Variants in XIST observed in about 807,000 individuals in gnomAD.
XIST encodes the protein X inactive specific transcript, also known as X inactive specific transcript (non-protein coding).
chrX:73,846,242 G>A, exon 1 of XIST: 1 of 559,281 alleles, frequency 1.8e-6, no homozygotes, highest in South Asian at 2.2e-5. Context: ...TCTGAGAGTA[G>A]GATTTTATTC....
intron 3 of XIST, chrX:73,831,453 A>C (rs1922379458): frequency 2.7e-6 from 1 of 372,929 alleles, no homozygotes; most frequent in Admixed American, 4.6e-5. Flanking sequence ...GCAAAAAAAA[A>C]AAAAATTATC....
At chrX:73,827,886 C>T (rs776547760) in exon 6 of XIST, 27 of 526,334 alleles carry the variant, frequency 5.1e-5, no homozygotes, top group South Asian at 2.9e-4. Flanking sequence ...AAGGCACACA[C>T]GAAAGAAATT....
At chrX:73,827,033 C>T in exon 6 of XIST, 1 of 558,886 alleles carries the variant, frequency 1.8e-6, no homozygotes. Context: ...TATCTTGGAA[C>T]ATGGGCTTTC....
chrX:73,850,543 C>T (rs1258493515), exon 1 of XIST: 1 of 544,924 alleles, frequency 1.8e-6, no homozygotes, highest in Admixed American at 2.3e-5. Context: ...TTGAGGAAGG[C>T]AGGAATTCCT....
chrX:73,844,034 C>A (rs1399188978), exon 1 of XIST: 2 of 556,842 alleles, frequency 3.6e-6, no homozygotes, highest in Admixed American at 4.5e-5. Flanking sequence ...GGGTTGTGGA[C>A]AACTGCAATT....
At chrX:73,842,898 A>T (rs751305650) in exon 1 of XIST, 1 of 558,650 alleles carries the variant, frequency 1.8e-6, no homozygotes, top group Non-Finnish European at 3.2e-6. Flanking sequence ...GTCTGTAAAA[A>T]GGGGCCAAGG....
exon 6 of XIST, chrX:73,820,877 T>A: frequency 1.8e-6 from 1 of 559,290 alleles, no homozygotes; most frequent in Non-Finnish European, 3.2e-6. Flanking sequence ...TAAATTATCT[T>A]TGAGGTAGAA....
At chrX:73,830,456 A>G (rs1922358474) in intron 4 of XIST, among the ~76,000 whole-genome samples, 1 of 112,156 alleles carries the variant, frequency 8.9e-6, no homozygotes, top group Non-Finnish European at 1.9e-5. Flanking sequence ...TTATCTGCCA[A>G]TTCTCACTCG....
exon 6 of XIST, chrX:73,821,615 A>G (rs1205644162): frequency 1.8e-6 from 1 of 555,459 alleles, no homozygotes; most frequent in African/African-American, 2.2e-5. Flanking sequence ...TAATGTTCTT[A>G]AGACCAATTC....
At chrX:73,841,749 T>C in exon 1 of XIST, 1 of 504,648 alleles carries the variant, frequency 2.0e-6, no homozygotes, top group East Asian at 3.6e-5. Flanking sequence ...TTCAAACTAC[T>C]TCAAATTATT....
exon 6 of XIST, chrX:73,823,763 A>T: frequency 1.8e-6 from 1 of 558,629 alleles, no homozygotes; most frequent in Non-Finnish European, 3.2e-6. Flanking sequence ...ACACTGCCTT[A>T]TATTAGTCCA....
At chrX:73,824,393 T>C (rs756366401) in exon 6 of XIST, 16 of 548,352 alleles carry the variant, frequency 2.9e-5, no homozygotes, top group African/African-American at 6.7e-5. Context: ...ACAGTTACAT[T>C]TATATGGTGC....
exon 1 of XIST, chrX:73,850,731 G>A: frequency 4.0e-6 from 1 of 250,291 alleles, no homozygotes; most frequent in South Asian, 3.4e-5. Flanking sequence ...TGGGGGGTGG[G>A]GGGTGGGGGT....
At chrX:73,846,427 G>A (rs1207470611) in exon 1 of XIST, 1 of 555,763 alleles carries the variant, frequency 1.8e-6, no homozygotes, top group Non-Finnish European at 3.2e-6. Context: ...CTTTTCTAGT[G>A]CATAGGATCC....
rs775910490 is a variant in XIST at position 73,821,394 on chromosome X, A to C, written n.18507T>G. ...TGAAGCATATTTTGGCTTCAGCTTT[A>C]AGATAATCTTATGACAAGAAGGGTC... On this transcript the variant is annotated non_coding_transcript_exon_variant, in exon 6 of 6. Transcript: ENST00000429829. 4 of 555,482 alleles carry C rather than the reference A, an allele frequency of 7.2e-6. No individual in the cohort carries two copies. In the East Asian group the frequency reaches 1.3e-4, roughly 18 times the overall value. The allele number at this position is 555,482 out of a possible 1,213,427, so 45.8% of individuals were successfully genotyped here. A position where few individuals can be genotyped will look rare whatever the true frequency, so the allele number is the denominator to read the frequency against.
chrX:73,841,286 A>T (rs1397438607), intron 1 of XIST: 1 of 408,585 alleles, frequency 2.4e-6, no homozygotes. Context: ...AAGGAAAGAA[A>T]CTTACTGGAC....
chrX:73,826,486 G>C lies in XIST; in HGVS notation n.13415C>G, dbSNP rs777379768. 1.8e-5 allele frequency: 10 copies of C among 557,484 alleles called. No homozygotes were observed. The African/African-American group carries it at 2.2e-4, about 12-fold the overall frequency. The allele number at this position is 557,484 out of a possible 1,213,427, so 45.9% of individuals were successfully genotyped here. Reference sequence around the variant, plus strand: ...TAGGTAAAAGCTGTGATTTAAAGCTGGCTCAAGACTGGCCCAGGCATAATA... The same window carrying C: ...TAGGTAAAAGCTGTGATTTAAAGCTCGCTCAAGACTGGCCCAGGCATAATA... On this transcript the variant is annotated non_coding_transcript_exon_variant, in exon 6 of 6. Coordinates refer to ENST00000429829, the Ensembl canonical transcript of XIST.
chrX:73,824,500 A>T (rs1922204371), exon 6 of XIST: 1 of 556,077 alleles, frequency 1.8e-6, no homozygotes, highest in Non-Finnish European at 3.2e-6. Flanking sequence ...CAGTGAGTTC[A>T]CATAGTAGGC....
chrX:73,851,890 G>A (rs372745950), exon 1 of XIST: 1 of 558,368 alleles, frequency 1.8e-6, no homozygotes, highest in Non-Finnish European at 3.2e-6. Context: ...CTGCCAAAGC[G>A]GTAGGTACAC....
Sources: allele counts gnomAD v4.1 joint callset (sites outside exome capture counted in the v4.1 genomes callset), GRCh38; gene constraint gnomAD v4.1.1; transcripts MANE v1.5; gene names NCBI Gene and HGNC (gene_info 2026-07-23, HGNC 2026-07-21).